The following TMEM72 variants were observed in gnomAD, a reference collection of about 807,000 sequenced individuals.
The protein encoded by TMEM72 is kidney-specific secretory protein of 37 kDa.
Under a neutral mutation model 16.3 loss-of-function variants are expected in TMEM72, and 9 were observed. The ratio of observed to expected loss-of-function variants is 0.55; its 90% CI spans 0.33 to 0.96. TMEM72 has a LOEUF of 0.96. Ranked by LOEUF, TMEM72 falls within the 40% of genes least tolerant of loss-of-function variation. The pLI, the probability that TMEM72 is intolerant of heterozygous loss-of-function variation, is 0.03. For synonymous variants in TMEM72, 160 were observed against 146.5 expected, an observed-to-expected ratio of 1.09 and a Z score of -0.66; for missense variants, 324 against 337.8, an observed-to-expected ratio of 0.96 and a Z score of 0.32.
At chr10:44,914,443 G>A (rs1839984570) in intron 1 of TMEM72, among the ~76,000 whole-genome samples, 1 of 152,212 alleles carries the variant, frequency 6.6e-6, no homozygotes, top group African/African-American at 2.4e-5. Context: ...GCGCCCATGG[G>A]TCCATGTGCA....
At chr10:44,934,563 G>A (rs1369453842) in intron 4 of TMEM72, 93 bp from the exon 5 acceptor site, 17 of 1,292,232 alleles carry the variant, frequency 1.3e-5, no homozygotes, top group South Asian at 3.0e-5. Context: ...ACACAGCGCC[G>A]GGTTGCAGGA....
chr10:44,911,524 G>T lies in TMEM72; in HGVS notation c.12G>T (p.Gln4His). Residue 4 changes from glutamine (Q) to histidine (H), a missense_variant, in exon 1 of 5, where the codon CAG becomes CAT. Transcript: ENST00000389583. Reference protein sequence around the residue: MQLQVFWTGLEYTC... With the variant: MQLHVFWTGLEYTC... The stretch of plus-strand genomic sequence containing the variant: ...TCACCCCTGGCACCATGCAGCTCCA[G>T]GTGTTCTGGACTGGGCTGGAATACA... 1 of 1,551,174 alleles carries T rather than the reference G, an allele frequency of 6.4e-7. No homozygotes were observed.
intron 1 of TMEM72, among the ~76,000 whole-genome samples, chr10:44,924,023 C>T (rs1037746393): frequency 1.3e-5 from 2 of 152,206 alleles, no homozygotes; most frequent in Admixed American, 1.3e-4. Flanking sequence ...GTCTCTGTCC[C>T]TCAGCCACCA....
intron 2 of TMEM72, among the ~76,000 whole-genome samples, chr10:44,930,858 A>G (rs766502217): frequency 8.5e-5 from 13 of 152,248 alleles, no homozygotes; most frequent in South Asian, 2.1e-4. Context: ...GGAAACTAAG[A>G]CAGAGAAAGG....
Position 44,935,052 on chromosome 10 carries a change from C to A in TMEM72, c.746C>A (p.Thr249Asn), listed in dbSNP as rs755976958. ...GATGGGGACAGTGAGCCAGAGGAGA[C>A]CACCTCTGACACGACACCCATCATT... is the stretch of plus-strand genomic sequence containing the variant. ...LDDGDSEPEETTSDTTPIIPP... is the reference protein window; with the variant it reads ...LDDGDSEPEENTSDTTPIIPP... Residue 249 changes from threonine (T) to asparagine (N), a missense_variant, in exon 5 of 5, where the codon ACC (threonine) becomes AAC (asparagine). Physicochemically the swap from Thr to Asn is moderately conservative, Grantham distance 65. Coordinates refer to ENST00000389583, the MANE Select transcript of TMEM72 (RefSeq NM_001123376.3). The A allele has an allele frequency of 1.2e-6, 2 of 1,613,990 alleles. No homozygotes were observed. The highest frequency in any genetic ancestry group is 1.7e-6 in the Non-Finnish European group (2 of 1,179,992).
chr10:44,932,155 G>C (rs916396554), intron 3 of TMEM72, 86 bp downstream of exon 3: 3 of 1,466,620 alleles, frequency 2.0e-6, no homozygotes, highest in Non-Finnish European at 2.8e-6. Flanking sequence ...CACAACCAGG[G>C]GATGTCCTGC....
intron 1 of TMEM72, among the ~76,000 whole-genome samples, chr10:44,920,989 A>G (rs1258255256): frequency 6.6e-6 from 1 of 152,172 alleles, no homozygotes; most frequent in Non-Finnish European, 1.5e-5. Flanking sequence ...CCAGGGCTGT[A>G]CCACAGGCTC....
At chr10:44,930,492 T>C (rs1315460047) in intron 2 of TMEM72, among the ~76,000 whole-genome samples, 1 of 152,202 alleles carries the variant, frequency 6.6e-6, no homozygotes, top group Non-Finnish European at 1.5e-5. Context: ...ACAGTAATTA[T>C]AGTGTTTATT....
intron 1 of TMEM72, among the ~76,000 whole-genome samples, chr10:44,918,038 G>A (rs1265889193): frequency 6.6e-6 from 1 of 152,172 alleles, no homozygotes; most frequent in Non-Finnish European, 1.5e-5. Context: ...AAGGCCAGGA[G>A]GAGCAAGTCA....
At chr10:44,912,900 T>G (rs1264536161) in intron 1 of TMEM72, among the ~76,000 whole-genome samples, 3 of 152,158 alleles carry the variant, frequency 2.0e-5, no homozygotes, top group Non-Finnish European at 4.4e-5. Context: ...ATGGGGCACC[T>G]GAGCTCAAAT....
chr10:44,926,902 G>A (rs749821306), intron 1 of TMEM72, among the ~76,000 whole-genome samples: 3 of 152,058 alleles, frequency 2.0e-5, no homozygotes, highest in Non-Finnish European at 4.4e-5. Flanking sequence ...GCCCCCTTCA[G>A]CTTGAGACAC....
chr10:44,918,012 C>T (rs779258997), intron 1 of TMEM72, among the ~76,000 whole-genome samples: 2 of 152,136 alleles, frequency 1.3e-5, no homozygotes, highest in Non-Finnish European at 2.9e-5. Flanking sequence ...CTGAGGAAGC[C>T]TCACAATCAT....
intron 2 of TMEM72, among the ~76,000 whole-genome samples, chr10:44,928,770 C>T (rs1457194526): frequency 7.8e-6 from 1 of 128,680 alleles, no homozygotes; most frequent in East Asian, 2.1e-4. Flanking sequence ...ACCCATCTAT[C>T]TATCTATTCA....
rs113348824 is a variant in TMEM72 at position 44,931,571 on chromosome 10, T to C, written c.138-427T>C. The stretch of plus-strand genomic sequence containing the variant: ...GAGAACAGGAGCGATTTGGAAGGTA[T>C]TGAAGGAATGTAATCAACAGCTCCT... On this transcript the variant is annotated intron_variant, in intron 2 of 4. Transcript: ENST00000389583. 1.1e-3 allele frequency among the ~76,000 whole-genome samples: 161 copies of C among 152,182 alleles called. 2 individuals are homozygous for C. The highest frequency in any genetic ancestry group is 3.6e-3 in the African/African-American group (148 of 41,496).
intron 2 of TMEM72, among the ~76,000 whole-genome samples, chr10:44,929,438 G>T (rs759191183): frequency 6.6e-6 from 1 of 152,116 alleles, no homozygotes; most frequent in African/African-American, 2.4e-5. Context: ...TGCCTACAGG[G>T]TCCACCAGGC....
chr10:44,933,773 C>A lies in TMEM72; in HGVS notation c.346C>A (p.Pro116Thr), dbSNP rs1340467741. The A allele has an allele frequency of 4.3e-6, 7 of 1,613,480 alleles. No individual in the cohort carries two copies. The highest frequency in any genetic ancestry group is 5.9e-6 in the Non-Finnish European group (7 of 1,179,648). Residue 116 changes from proline (P) to threonine (T), a missense_variant, in exon 4 of 5, where the codon CCA becomes ACA. Coordinates refer to ENST00000389583, the MANE Select transcript of TMEM72 (RefSeq NM_001123376.3). ...GGTCCTGGTCTGGCACGTGACCATC[C>A]CAGGTAAGAGCACAGGGGTAGAGAT... ...HPVLVWHVTI[P>T]GSMLIITGLA...
chr10:44,934,624 C>T (rs2132732871), intron 4 of TMEM72, 32 bp from the exon 5 acceptor site: 1 of 1,523,232 alleles, frequency 6.6e-7, no homozygotes, highest in Non-Finnish European at 8.8e-7. Flanking sequence ...TCCGTGACTC[C>T]TCTAGAGCCC....
chr10:44,933,509 G>A (rs561058989), intron 3 of TMEM72, 128 bp from the exon 4 acceptor site: 3 of 1,290,108 alleles, frequency 2.3e-6, no homozygotes, highest in South Asian at 3.0e-5. Flanking sequence ...GACCGCTAGG[G>A]CTTTCTGTTC....
At chr10:44,934,551 C>T (rs2132732671) in intron 4 of TMEM72, 105 bp from the exon 5 acceptor site, 1 of 1,172,104 alleles carries the variant, frequency 8.5e-7, no homozygotes, top group Non-Finnish European at 1.2e-6. Flanking sequence ...CTGTGAATGG[C>T]CACACAGCGC....
Sources: allele counts gnomAD v4.1 joint callset (sites outside exome capture counted in the v4.1 genomes callset), GRCh38; gene constraint gnomAD v4.1.1; transcripts MANE v1.5; gene names NCBI Gene and HGNC (gene_info 2026-07-23, HGNC 2026-07-21).